Variants in HPSE2 observed in about 807,000 individuals in gnomAD.
HPSE2 encodes the protein heparanase 2 (inactive).
A neutral mutation model predicts 60.5 loss-of-function variants in HPSE2; 38 were observed. That is an observed-to-expected ratio of 0.63 (90% CI 0.48 to 0.82). The LOEUF (loss-of-function observed/expected upper bound fraction) is 0.82. Among genes scored for constraint, HPSE2 ranks in the 40% least tolerant of loss-of-function variants. The pLI is 0.00. For missense variants in HPSE2, 713 were observed against 740.4 expected (o/e 0.96, Z 0.43); for synonymous variants, 295 against 293.2 (o/e 1.01, Z -0.06).
intron 3 of HPSE2, among the ~76,000 whole-genome samples, chr10:99,021,925 G>T (rs1341839863): frequency 6.6e-6 from 1 of 151,424 alleles, no homozygotes; most frequent in Non-Finnish European, 1.5e-5. Context: ...AAGTTTTAGG[G>T]TACATGTGCA....
chr10:98,539,830 T>C (rs10748737), intron 9 of HPSE2, among the ~76,000 whole-genome samples: 130,982 of 152,214 alleles, frequency 0.86, 57,329 homozygotes, highest in East Asian at 1. Context: ...TTAACTTCCA[T>C]ACTCATTCCT....
At chr10:98,724,370 G>A (rs1381094111) in intron 4 of HPSE2, among the ~76,000 whole-genome samples, 1 of 152,164 alleles carries the variant, frequency 6.6e-6, no homozygotes, top group Admixed American at 6.6e-5. Flanking sequence ...TTGCTGAGGA[G>A]TGTTTTACTT....
chr10:99,046,322 G>A (rs1957853927), intron 3 of HPSE2, among the ~76,000 whole-genome samples: 1 of 151,882 alleles, frequency 6.6e-6, no homozygotes, highest in African/African-American at 2.4e-5. Flanking sequence ...AGCACTGAAG[G>A]AACATACCTC....
chr10:99,305,979 G>GCGCGCGCACACA, the HPSE2 span, among the ~76,000 whole-genome samples: 50 of 80,582 alleles, frequency 6.2e-4, no homozygotes, highest in East Asian at 4.0e-3. Flanking sequence ...GCGCGCGCGC[G>GCGCGCGCACACA]CACACACACA....
At chr10:99,305,963 G>GCC in the HPSE2 span, among the ~76,000 whole-genome samples, 2 of 39,990 alleles carry the variant, frequency 5.0e-5, no homozygotes, top group African/African-American at 7.3e-5. Flanking sequence ...TCACACACAC[G>GCC]CGCGCGCGCG....
intron 6 of HPSE2, among the ~76,000 whole-genome samples, chr10:98,691,372 T>G (rs78666652): frequency 6.6e-6 from 1 of 152,186 alleles, no homozygotes; most frequent in East Asian, 1.9e-4. Context: ...ATTTTTTAAG[T>G]AGTCAATAAA....
chr10:98,958,431 T>C (rs1282379404), intron 3 of HPSE2, among the ~76,000 whole-genome samples: 2 of 152,006 alleles, frequency 1.3e-5, no homozygotes, highest in African/African-American at 2.4e-5. Context: ...ACAGGAAAAG[T>C]TGAACTTTGA....
intron 3 of HPSE2, among the ~76,000 whole-genome samples, chr10:99,139,395 C>T (rs1020081108): frequency 3.3e-5 from 5 of 151,822 alleles, no homozygotes; most frequent in African/African-American, 1.2e-4. Flanking sequence ...ACAATTCATC[C>T]ATAAAACCAA....
At chr10:98,579,866 T>C (rs1944744437) in intron 9 of HPSE2, among the ~76,000 whole-genome samples, 1 of 152,202 alleles carries the variant, frequency 6.6e-6, no homozygotes, top group South Asian at 2.1e-4. Context: ...TCTAATATAC[T>C]ACCTGTTTCA....
At chr10:98,837,999 A>G (rs1015345840) in intron 3 of HPSE2, among the ~76,000 whole-genome samples, 1 of 152,124 alleles carries the variant, frequency 6.6e-6, no homozygotes, top group South Asian at 2.1e-4. Context: ...TCATTATACT[A>G]TTTTCTACAT....
intron 3 of HPSE2, among the ~76,000 whole-genome samples, chr10:98,921,961 T>A (rs1047989782): frequency 2.6e-5 from 4 of 152,166 alleles, no homozygotes; most frequent in African/African-American, 9.7e-5. Flanking sequence ...AAGTCTCAGA[T>A]CTGCACTCTA....
chr10:98,876,529 C>G (rs1308198549), intron 3 of HPSE2, among the ~76,000 whole-genome samples: 1 of 151,866 alleles, frequency 6.6e-6, no homozygotes, highest in Admixed American at 6.6e-5. Flanking sequence ...ACATGCAGAC[C>G]AATAGAATCT....
chr10:99,290,942 T>C, the HPSE2 span, among the ~76,000 whole-genome samples: 2 of 152,164 alleles, frequency 1.3e-5, no homozygotes, highest in East Asian at 3.8e-4. Flanking sequence ...AATTAAGTCC[T>C]AGGGATAGTC....
intron 1 of HPSE2, among the ~76,000 whole-genome samples, 161 bp downstream of exon 1, chr10:99,235,352 G>A (rs967105757): frequency 2.6e-5 from 4 of 152,166 alleles, no homozygotes; most frequent in African/African-American, 9.7e-5. Context: ...ACTAGTTACA[G>A]CCTCACAGCA....
intron 9 of HPSE2, among the ~76,000 whole-genome samples, chr10:98,504,722 G>A (rs1289262712): frequency 6.6e-6 from 1 of 151,646 alleles, no homozygotes; most frequent in Non-Finnish European, 1.5e-5. Context: ...CCCAGGAGGT[G>A]GAGCTTGCAG....
intron 3 of HPSE2, among the ~76,000 whole-genome samples, chr10:99,003,023 T>A (rs1956811040): frequency 6.6e-6 from 1 of 152,034 alleles, no homozygotes; most frequent in South Asian, 2.1e-4. Flanking sequence ...CTTCCCATCC[T>A]CCCTATCCCC....
chr10:98,474,538 T>C (rs1299235623), intron 11 of HPSE2, among the ~76,000 whole-genome samples: 4 of 152,186 alleles, frequency 2.6e-5, no homozygotes, highest in Admixed American at 1.3e-4. Flanking sequence ...TCTAAAGGCA[T>C]GCAGTTAGAT....
chr10:99,251,861 C>CAAA, the HPSE2 span, among the ~76,000 whole-genome samples: 1 of 53,248 alleles, frequency 1.9e-5, no homozygotes, highest in African/African-American at 8.7e-5. Context: ...ACTCTCTCTA[C>CAAA]CAAAAAAAAA....
intron 5 of HPSE2, among the ~76,000 whole-genome samples, chr10:98,710,684 T>G (rs992822438): frequency 1.3e-5 from 2 of 152,166 alleles, no homozygotes; most frequent in Non-Finnish European, 2.9e-5. Flanking sequence ...ATTTTCTAGA[T>G]AAGAAACTGT....
Sources: allele counts gnomAD v4.1 joint callset (sites outside exome capture counted in the v4.1 genomes callset), GRCh38; gene constraint gnomAD v4.1.1; transcripts MANE v1.5; gene names NCBI Gene and HGNC (gene_info 2026-07-23, HGNC 2026-07-21).